The following PPP2R5A variants were observed in gnomAD, a reference collection of about 807,000 sequenced individuals.
The protein encoded by PPP2R5A is serine/threonine-protein phosphatase 2A 56 kDa regulatory subunit alpha isoform.
PPP2R5A carries 25 observed loss-of-function variants against 64.2 expected under a neutral mutation model. That is an observed-to-expected ratio of 0.39 (90% CI 0.28 to 0.54). The LOEUF is 0.54. Ranked by LOEUF, PPP2R5A falls within the 20% of genes least tolerant of loss-of-function variation. The probability of loss-of-function intolerance (pLI) is 0.67; values close to 1 mark genes in which losing one functional copy is unlikely to be tolerated. For missense variants in PPP2R5A, 425 were observed against 576.3 expected (o/e 0.74, Z 2.69); for synonymous variants, 198 against 201.2 (o/e 0.98, Z 0.13).
chr1:212,302,349 A>G (rs1189901600), intron 1 of PPP2R5A, among the ~76,000 whole-genome samples: 1 of 152,122 alleles, frequency 6.6e-6, no homozygotes, highest in Non-Finnish European at 1.5e-5. Context: ...TTAGTATTTC[A>G]TTTACATGTT....
At chr1:212,333,838 A>G (rs991489673) in intron 3 of PPP2R5A, 4 of 330,852 alleles carry the variant, frequency 1.2e-5, no homozygotes, top group African/African-American at 8.5e-5. Context: ...CACAAAGTAC[A>G]TTCGCCATGT....
At chr1:212,320,279 C>T (rs1056239855) in intron 1 of PPP2R5A, among the ~76,000 whole-genome samples, 6 of 152,310 alleles carry the variant, frequency 3.9e-5, no homozygotes, top group Middle Eastern at 3.4e-3. Context: ...CACAGATCAA[C>T]GGGATCCCAA....
At chr1:212,294,989 T>C (rs79151276) in intron 1 of PPP2R5A, among the ~76,000 whole-genome samples, 3,540 of 152,276 alleles carry the variant, frequency 0.023, 52 homozygotes, top group African/African-American at 0.029. Flanking sequence ...TTACCAGCAG[T>C]TTACATAGCT....
chr1:212,357,074 G>C lies in PPP2R5A; in HGVS notation c.1098+5G>C. The C allele has an allele frequency of 6.3e-7, 1 of 1,599,258 alleles. No homozygotes were observed. Among genetic ancestry groups the C allele is most frequent in the Non-Finnish European group, 8.5e-7 (1 of 1,175,636 alleles). On this transcript the variant is annotated splice_donor_5th_base_variant and intron_variant, in intron 10 of 12. Coordinates refer to ENST00000261461, the MANE Select transcript of PPP2R5A (RefSeq NM_006243.4). Reference sequence around the variant, plus strand: ...GTATCCAGTTCTCATTTTCAGGTATGATGTTTTCAGTGAAGCCTTTACTTT... The same window carrying C: ...GTATCCAGTTCTCATTTTCAGGTATCATGTTTTCAGTGAAGCCTTTACTTT...
chr1:212,320,818 C>T, intron 1 of PPP2R5A, among the ~76,000 whole-genome samples: 1 of 136,052 alleles, frequency 7.4e-6, no homozygotes, highest in Admixed American at 7.2e-5. Flanking sequence ...GGGGCTGACC[C>T]CCCCACCTCC....
At chr1:212,315,849 G>A (rs921053053) in intron 1 of PPP2R5A, among the ~76,000 whole-genome samples, 24 of 152,016 alleles carry the variant, frequency 1.6e-4, no homozygotes, top group Non-Finnish European at 2.8e-4. Context: ...CTCGCTTTGT[G>A]TCTCTGTGTC....
At chr1:212,301,003 A>C (rs1423564729) in intron 1 of PPP2R5A, among the ~76,000 whole-genome samples, 4 of 152,088 alleles carry the variant, frequency 2.6e-5, no homozygotes, top group Admixed American at 6.6e-5. Flanking sequence ...CCTGCTCTAG[A>C]GACTTGAACA....
chr1:212,301,837 A>G lies in PPP2R5A; in HGVS notation c.181+15546A>G. ...CAGTGCTTGTTCTATAATTTGTAGC[A>G]TGAATCCTATATGAGATCTTACTTT... is the stretch of plus-strand genomic sequence containing the variant. On this transcript the variant is annotated intron_variant, in intron 1 of 12. Transcript: ENST00000261461. 2.4e-6 allele frequency: 3 copies of G among 1,247,934 alleles called. No individual in the cohort carries two copies. In the South Asian group the frequency reaches 6.6e-5, roughly 27 times the overall value. The allele number at this position is 1,247,934 out of a possible 1,614,324, so 77.3% of individuals were successfully genotyped here.
chr1:212,334,260 T>C (rs1311155697), intron 3 of PPP2R5A, among the ~76,000 whole-genome samples: 2 of 152,170 alleles, frequency 1.3e-5, no homozygotes, highest in African/African-American at 4.8e-5. Context: ...TTTGCTTGAA[T>C]CCATAAATTT....
chr1:212,318,399 T>A (rs998653786), intron 1 of PPP2R5A, among the ~76,000 whole-genome samples: 1 of 152,228 alleles, frequency 6.6e-6, no homozygotes, highest in Non-Finnish European at 1.5e-5. Flanking sequence ...AGAAGAATGC[T>A]GCTTTTAAAT....
intron 8 of PPP2R5A, among the ~76,000 whole-genome samples, chr1:212,350,976 TAAAA>T (rs61297300): frequency 6.8e-4 from 97 of 141,766 alleles, no homozygotes; most frequent in African/African-American, 2.2e-3. Flanking sequence ...CATTTCTACT[TAAAA>T]AAAAAAAAAA....
chr1:212,326,242 G>GT (rs35314006), intron 1 of PPP2R5A, among the ~76,000 whole-genome samples: 28,868 of 142,866 alleles, frequency 0.2, 3,131 homozygotes, highest in Middle Eastern at 0.32. Flanking sequence ...CAAATTCAAT[G>GT]TTTTTTTTTT....
chr1:212,292,307 AGTT>A (rs1471947394), intron 1 of PPP2R5A, among the ~76,000 whole-genome samples: 2 of 152,106 alleles, frequency 1.3e-5, no homozygotes, highest in African/African-American at 4.8e-5. Context: ...GTGGCTTTTC[AGTT>A]GTTATGTTGT....
At chr1:212,311,460 C>T (rs1037333529) in intron 1 of PPP2R5A, among the ~76,000 whole-genome samples, 4 of 150,018 alleles carry the variant, frequency 2.7e-5, no homozygotes, top group South Asian at 2.1e-4. Context: ...AGCAAGACTC[C>T]GTCTCAAAAA....
intron 1 of PPP2R5A, among the ~76,000 whole-genome samples, chr1:212,307,863 G>A (rs952974884): frequency 1.3e-5 from 2 of 152,012 alleles, no homozygotes; most frequent in African/African-American, 2.4e-5. Flanking sequence ...AATACTTCTC[G>A]AGATACGGTC....
At chr1:212,340,181 A>G (rs1659664529) in intron 3 of PPP2R5A, among the ~76,000 whole-genome samples, 1 of 152,198 alleles carries the variant, frequency 6.6e-6, no homozygotes, top group Admixed American at 6.5e-5. Context: ...CTACATTTCT[A>G]TAAAATAAAA....
chr1:212,289,602 T>G (rs1428839719), intron 1 of PPP2R5A, among the ~76,000 whole-genome samples: 1 of 152,206 alleles, frequency 6.6e-6, no homozygotes, highest in Non-Finnish European at 1.5e-5. Context: ...GGTAAATTTT[T>G]AATCTTTCTA....
At chr1:212,322,240 G>A (rs1182081493) in intron 1 of PPP2R5A, among the ~76,000 whole-genome samples, 2 of 121,030 alleles carry the variant, frequency 1.7e-5, no homozygotes, top group Non-Finnish European at 3.2e-5. Flanking sequence ...GAGGGAGAGG[G>A]AGAGGAGGGA....
At chr1:212,292,878 A>G (rs1658625454) in intron 1 of PPP2R5A, among the ~76,000 whole-genome samples, 1 of 152,148 alleles carries the variant, frequency 6.6e-6, no homozygotes, top group Non-Finnish European at 1.5e-5. Context: ...TTTGGTTTTA[A>G]TATATTTATG....
Sources: allele counts gnomAD v4.1 joint callset (sites outside exome capture counted in the v4.1 genomes callset), GRCh38; gene constraint gnomAD v4.1.1; transcripts MANE v1.5; gene names NCBI Gene and HGNC (gene_info 2026-07-23, HGNC 2026-07-21).